The following DNAH14 variants were observed in gnomAD, a reference collection of about 807,000 sequenced individuals.
DNAH14 encodes axonemal beta dynein heavy chain 14.
In DNAH14, 478 loss-of-function variants were observed where a neutral mutation model predicts 520.9. The ratio of observed to expected loss-of-function variants is 0.92; its 90% CI spans 0.85 to 0.99. DNAH14 has a LOEUF of 0.99. DNAH14 is among the 50% of genes least tolerant of loss of function. The pLI is 0.00. For synonymous variants in DNAH14, 1,581 were observed against 1,757.2 expected, an observed-to-expected ratio of 0.90 and a Z score of 2.51; for missense variants, 4,831 against 5,234.5, an observed-to-expected ratio of 0.92 and a Z score of 2.38.
chr1:225,058,720 G>A (rs978537908), intron 17 of DNAH14, among the ~76,000 whole-genome samples: 3 of 151,964 alleles, frequency 2.0e-5, no homozygotes, highest in African/African-American at 7.3e-5. Context: ...CAGAGATTCT[G>A]GTATGTTATG....
chr1:225,019,479 T>C (rs1162955962), intron 10 of DNAH14, among the ~76,000 whole-genome samples: 1 of 152,208 alleles, frequency 6.6e-6, no homozygotes, highest in Non-Finnish European at 1.5e-5. Flanking sequence ...AGTGGTGGAC[T>C]TCAACACCCC....
At chr1:225,358,704 C>G in intron 74 of DNAH14, 52 bp downstream of exon 74, 1 of 1,507,030 alleles carries the variant, frequency 6.6e-7, no homozygotes, top group African/African-American at 1.4e-5. Flanking sequence ...GCTCTGTGTC[C>G]CCACCCAAAT....
chr1:225,398,408 T>A, intron 84 of DNAH14, 112 bp from the exon 85 acceptor site: 1 of 1,315,316 alleles, frequency 7.6e-7, no homozygotes, highest in Non-Finnish European at 1.0e-6. Context: ...TGGGGCAACA[T>A]GCCTTAGGCA....
intron 41 of DNAH14, among the ~76,000 whole-genome samples, chr1:225,220,828 A>C (rs909906732): frequency 6.6e-6 from 1 of 152,242 alleles, no homozygotes; most frequent in Non-Finnish European, 1.5e-5. Flanking sequence ...GAAACCAAAA[A>C]TGAGCCTGTA....
chr1:225,212,514 T>C (rs1453886959), intron 41 of DNAH14, among the ~76,000 whole-genome samples: 1 of 152,160 alleles, frequency 6.6e-6, no homozygotes, highest in Non-Finnish European at 1.5e-5. Context: ...TAGTTTACAG[T>C]CCCACCAACA....
intron 84 of DNAH14, among the ~76,000 whole-genome samples, chr1:225,394,190 T>A (rs1488158151): frequency 6.6e-6 from 1 of 152,244 alleles, no homozygotes; most frequent in African/African-American, 2.4e-5. Flanking sequence ...CCTTTTAAAA[T>A]GATTATTGAT....
chr1:225,211,057 C>T lies in DNAH14; in HGVS notation c.6439+3837C>T, dbSNP rs186972721. Reference sequence around the variant, plus strand: ...CCATGAAGATGAGGAAAAACCAGCACACCAAGGCTGAAAATTCCAAAAACC... The same window carrying T: ...CCATGAAGATGAGGAAAAACCAGCATACCAAGGCTGAAAATTCCAAAAACC... On this transcript the variant is annotated intron_variant, in intron 41 of 85. Transcript: ENST00000682510. Among the ~76,000 whole-genome samples the T allele has an allele frequency of 3.2e-3, 486 of 152,344 alleles. 4 individuals are homozygous for T. The highest frequency in any genetic ancestry group is 0.011 in the African/African-American group (443 of 41,588).
chr1:224,988,152 T>C (rs1426445485), intron 8 of DNAH14, among the ~76,000 whole-genome samples: 1 of 152,064 alleles, frequency 6.6e-6, no homozygotes, highest in African/African-American at 2.4e-5. Flanking sequence ...GAATATGCGG[T>C]GTTCAGTTTT....
At chr1:225,135,580 C>A (rs757091032) in intron 27 of DNAH14, among the ~76,000 whole-genome samples, 190 of 151,976 alleles carry the variant, frequency 1.3e-3, no homozygotes, top group Non-Finnish European at 2.3e-3. Context: ...ATTATGTGAT[C>A]CTATTATGTG....
intron 4 of DNAH14, among the ~76,000 whole-genome samples, chr1:224,961,492 C>A (rs775509538): frequency 6.6e-6 from 1 of 152,110 alleles, no homozygotes; most frequent in South Asian, 2.1e-4. Context: ...AGAAAACTTA[C>A]AATCATGGTG....
At position 225,078,830 on chromosome 1, in the gene DNAH14, CTCTCTCTCTCT is replaced by C. The variant is rs2072680060; in HGVS notation, c.2425-376_2425-366del. Reference sequence around the variant, plus strand: ...TCTCTCTCTCTCTCTCTCTCCCTCTCTCTCTCTCTCTCCCTCTCTCTCTCTCTCCCTCTCTC... The same window carrying C: ...TCTCTCTCTCTCTCTCTCTCCCTCTCCCCTCTCTCTCTCTCTCCCTCTCTC... On this transcript the variant is annotated intron_variant, in intron 17 of 85. Transcript: ENST00000682510. Among the ~76,000 whole-genome samples, 3 of 59,090 alleles carry C rather than the reference CTCTCTCTCTCT, an allele frequency of 5.1e-5. 1 individual carries two copies. Among genetic ancestry groups the C allele is most frequent in the Non-Finnish European group, 1.2e-4 (3 of 25,732 alleles). 38.8% of individuals were successfully genotyped at this position (59,090 alleles called of 152,430 possible). A position where few individuals can be genotyped will look rare whatever the true frequency, so the allele number is the denominator to read the frequency against.
chr1:225,127,821 T>C (rs533169399), intron 27 of DNAH14, among the ~76,000 whole-genome samples: 1 of 152,330 alleles, frequency 6.6e-6, no homozygotes, highest in Non-Finnish European at 1.5e-5. Flanking sequence ...CTTTACATTT[T>C]GGCATGATTT....
At chr1:225,126,897 G>A (rs1319320780) in intron 27 of DNAH14, among the ~76,000 whole-genome samples, 2 of 151,590 alleles carry the variant, frequency 1.3e-5, no homozygotes, top group African/African-American at 4.9e-5. Flanking sequence ...CAGAGATTCT[G>A]GTATGTTGTG....
chr1:225,206,159 C>G lies in DNAH14; in HGVS notation c.6166C>G (p.Arg2056Gly). The G allele has an allele frequency of 6.4e-7, 1 of 1,551,014 alleles. No homozygotes were observed. Among genetic ancestry groups the G allele is most frequent in the Middle Eastern group, 1.7e-4 (1 of 5,988 alleles). ...LSQASPATVS[R>G]CAMVYMDPVD... Reference sequence around the variant, plus strand: ...TCAGGCCAGTCCTGCTACTGTCAGCCGATGTGCCATGGTCTATATGGTAAG... The same window carrying G: ...TCAGGCCAGTCCTGCTACTGTCAGCGGATGTGCCATGGTCTATATGGTAAG... Residue 2056 changes from arginine (R) to glycine (G), a missense_variant, in exon 40 of 86, where the codon CGA (arginine) becomes GGA (glycine). By Grantham distance (125) the Arg-to-Gly change is moderately radical (BLOSUM62 -2). Transcript: ENST00000682510.
At chr1:225,169,708 T>A (rs1381413627) in intron 36 of DNAH14, among the ~76,000 whole-genome samples, 2 of 152,138 alleles carry the variant, frequency 1.3e-5, no homozygotes, top group Admixed American at 6.5e-5. Flanking sequence ...GCAGGATATT[T>A]TCCAGGAGAA....
At position 225,389,931 on chromosome 1, in the gene DNAH14, CCTT is replaced by C. The variant is rs1353595776; in HGVS notation, c.13330+61_13330+63del. 5 of 1,470,030 alleles carry C rather than the reference CCTT, an allele frequency of 3.4e-6. No individual in the cohort carries two copies. The African/African-American group carries it at 7.1e-5, about 21-fold the overall frequency. The allele number at this position is 1,470,030 out of a possible 1,614,324, so 91.1% of individuals were successfully genotyped here. On this transcript the variant is annotated intron_variant, in intron 83 of 85. Coordinates refer to ENST00000682510, the MANE Select transcript of DNAH14 (RefSeq NM_001367479.1). ...TGGCCCAGGCAAGTTTGCACTCAGT[CCTT>C]CTGTCACTCACCCTTTCCTCCTCCC...
chr1:225,374,549 C>A, intron 77 of DNAH14, 139 bp from the exon 78 acceptor site: 1 of 784,060 alleles, frequency 1.3e-6, no homozygotes, highest in Non-Finnish European at 1.9e-6. Context: ...GCGTGAGCCA[C>A]TGCACCTGGC....
At chr1:225,377,481 T>C (rs975906252) in intron 79 of DNAH14, 45 bp downstream of exon 79, 1 of 1,509,676 alleles carries the variant, frequency 6.6e-7, no homozygotes, top group African/African-American at 1.4e-5. Context: ...ATTATCAGGC[T>C]GGGTCTGGCA....
At chr1:225,224,048 G>A (rs2090307665) in intron 41 of DNAH14, among the ~76,000 whole-genome samples, 2 of 151,928 alleles carry the variant, frequency 1.3e-5, no homozygotes, top group Non-Finnish European at 2.9e-5. Context: ...CTAACTTCCT[G>A]GTCAGTAAGA....
Sources: gnomAD v4.1 joint callset for allele counts (sites outside exome capture counted in the v4.1 genomes callset) on GRCh38, gnomAD v4.1.1 for gene constraint, MANE v1.5 for transcripts, NCBI Gene and HGNC (gene_info 2026-07-23, HGNC 2026-07-21) for gene names.